The following COPZ2 variants were observed in gnomAD, a reference collection of about 807,000 sequenced individuals.
COPZ2 encodes coat protein complex I subunit zeta 2.
A neutral mutation model predicts 33.2 loss-of-function variants in COPZ2; 30 were observed. The ratio of observed to expected loss-of-function variants is 0.90; its 90% CI spans 0.68 to 1.23. The LOEUF (loss-of-function observed/expected upper bound fraction) is 1.23. Among genes scored for constraint, COPZ2 ranks in the 50% most tolerant of loss-of-function variants. COPZ2 has a pLI of 0.00. For missense variants in COPZ2, 263 were observed against 262.4 expected (o/e 1.00, Z -0.02); for synonymous variants, 89 against 102.6 (o/e 0.87, Z 0.80).
At chr17:48,040,058 G>T (rs927019038), upstream of COPZ2, among the ~76,000 whole-genome samples, 1 of 151,864 alleles carries the variant, frequency 6.6e-6, no homozygotes, top group African/African-American at 2.4e-5. Context: ...GGAGGTGGAG[G>T]TTGCAGTGAC....
chr17:48,035,908 C>G (rs1050935574), intron 2 of COPZ2, among the ~76,000 whole-genome samples: 6 of 151,922 alleles, frequency 3.9e-5, no homozygotes, highest in African/African-American at 9.7e-5. Flanking sequence ...CGCCCACCAC[C>G]ATGCCTGGCT....
chr17:48,034,698 A>C (rs2036951386), intron 2 of COPZ2, among the ~76,000 whole-genome samples: 1 of 152,074 alleles, frequency 6.6e-6, no homozygotes, highest in Non-Finnish European at 1.5e-5. Context: ...GAAGTCAGGT[A>C]ATGGCCTGGC....
intron 6 of COPZ2, among the ~76,000 whole-genome samples, chr17:48,030,206 G>C (rs181263485): frequency 7.0e-6 from 1 of 142,738 alleles, no homozygotes; most frequent in Non-Finnish European, 1.5e-5. Context: ...AGAATTGCTT[G>C]AACCCAGGAG....
rs754250993 is a variant in COPZ2, at chr17:48,037,239, G to T, written c.112-314C>A. On this transcript the variant is annotated intron_variant, in intron 1 of 8. Coordinates refer to ENST00000621465, the MANE Select transcript of COPZ2 (RefSeq NM_016429.4). This position sits in a 1 kb window ranked among gnomAD's most constrained non-coding sequence, Gnocchi z 5.6. ...GGAGTGTATCACAGAACCTGGGCCG[G>T]GGGGGACAGCGGGCCGAGCCTCCTT... 5 of 601,954 alleles carry T rather than the reference G, an allele frequency of 8.3e-6. No individual in the cohort carries two copies. Among genetic ancestry groups the T allele is most frequent in the East Asian group, 7.3e-5 (2 of 27,474 alleles). 37.3% of individuals were successfully genotyped at this position (601,954 alleles called of 1,614,324 possible). A position where few individuals can be genotyped will look rare whatever the true frequency, so the allele number is the denominator to read the frequency against.
At chr17:48,037,864 C>G (rs2037017833), upstream of COPZ2, 1 of 980,270 alleles carries the variant, frequency 1.0e-6, no homozygotes. This position sits in a 1 kb window ranked among gnomAD's most constrained non-coding sequence, Gnocchi z 5.6. Context: ...GGCCCCCTCT[C>G]GCGCGTGGCC....
upstream of COPZ2, among the ~76,000 whole-genome samples, chr17:48,041,401 G>A (rs988951822): frequency 6.6e-6 from 1 of 152,208 alleles, no homozygotes; most frequent in Non-Finnish European, 1.5e-5. Context: ...AAGAAAAATA[G>A]AGCAGAAATG....
intron 2 of COPZ2, among the ~76,000 whole-genome samples, chr17:48,034,767 G>C (rs960014477): frequency 6.6e-6 from 1 of 152,136 alleles, no homozygotes; most frequent in African/African-American, 2.4e-5. Context: ...TGGATCACCT[G>C]AGGTCAGGCG....
intron 6 of COPZ2, among the ~76,000 whole-genome samples, chr17:48,030,081 C>T (rs1254010954): frequency 1.3e-5 from 2 of 151,832 alleles, no homozygotes; most frequent in Non-Finnish European, 2.9e-5. Flanking sequence ...GTGAAGAGTT[C>T]GAGACCAGCC....
chr17:48,028,706 T>C lies in COPZ2; in HGVS notation c.547-196A>G, dbSNP rs2036849933. On this transcript the variant is annotated intron_variant, in intron 7 of 8. Transcript: ENST00000621465. This position sits in a 1 kb window ranked among gnomAD's most constrained non-coding sequence, Gnocchi z 4.5. ...AGCCAGGACCTCTGGGATTGTGCTATGGTGCGTGGAGGGTGAGGGAAGATG... is the reference window on the plus strand; with the variant it reads ...AGCCAGGACCTCTGGGATTGTGCTACGGTGCGTGGAGGGTGAGGGAAGATG... 5 of 602,746 alleles carry C rather than the reference T, an allele frequency of 8.3e-6. No homozygotes were observed. The East Asian group carries it at 1.4e-4, about 17-fold the overall frequency. The allele number at this position is 602,746 out of a possible 1,614,324, so 37.3% of individuals were successfully genotyped here.
At chr17:48,033,053 C>T (rs1427255461) in intron 4 of COPZ2, 158 bp downstream of exon 4, 4 of 613,204 alleles carry the variant, frequency 6.5e-6, no homozygotes, top group Non-Finnish European at 8.8e-6. Flanking sequence ...ACACATTGTC[C>T]CAGAAAGAAC....
At position 48,032,311 on chromosome 17, in the gene COPZ2, C is replaced by T; in HGVS notation, c.417-78G>A. On this transcript the variant is annotated intron_variant, in intron 5 of 8. Coordinates refer to ENST00000621465, the MANE Select transcript of COPZ2 (RefSeq NM_016429.4). ...CCCTGCCTAGGTGAGGCTGACCCCACTCTCCAAAGACTGCCTCATTCACCC... is the reference window on the plus strand; with the variant it reads ...CCCTGCCTAGGTGAGGCTGACCCCATTCTCCAAAGACTGCCTCATTCACCC... 5 of 1,247,530 alleles carry T rather than the reference C, an allele frequency of 4.0e-6. No individual in the cohort carries two copies. In the South Asian group the frequency reaches 5.1e-5, roughly 13 times the overall value. The allele number at this position is 1,247,530 out of a possible 1,614,324, so 77.3% of individuals were successfully genotyped here.
rs1193100863 is a variant in COPZ2, at chr17:48,028,110, G to T, written c.585+362C>A. 2.0e-5 allele frequency among the ~76,000 whole-genome samples: 3 copies of T among 152,174 alleles called. No homozygotes were observed. Among genetic ancestry groups the T allele is most frequent in the African/African-American group, 2.4e-5 (1 of 41,444 alleles). ...CTATTTGGTACCCTTTCCAGGTTTCGGTAGAGGGCGCATCAGAGGCCTGAG... is the reference window on the plus strand; with the variant it reads ...CTATTTGGTACCCTTTCCAGGTTTCTGTAGAGGGCGCATCAGAGGCCTGAG... On this transcript the variant is annotated intron_variant, in intron 8 of 8. Transcript: ENST00000621465. The surrounding 1 kb of genome is among the most constrained non-coding windows in gnomAD (Gnocchi z 4.5).
chr17:48,037,782 C>T lies in COPZ2; in HGVS notation c.-5G>A. 6.0e-6 allele frequency: 6 copies of T among 1,002,994 alleles called. No individual in the cohort carries two copies. The highest frequency in any genetic ancestry group is 1.8e-5 in the African/African-American group (1 of 57,032). The allele number at this position is 1,002,994 out of a possible 1,614,324, so 62.1% of individuals were successfully genotyped here. ...CCAGGCCTCGGGCCGCTGCATTCCG[C>T]TCGCCGCCTCGCACTGACAGCGCCG... On this transcript the variant is annotated 5_prime_UTR_variant, in exon 1 of 9. Coordinates refer to ENST00000621465, the MANE Select transcript of COPZ2 (RefSeq NM_016429.4). This position sits in a 1 kb window ranked among gnomAD's most constrained non-coding sequence, Gnocchi z 5.6.
intron 2 of COPZ2, among the ~76,000 whole-genome samples, chr17:48,034,665 G>C (rs374676642): frequency 6.6e-6 from 1 of 152,006 alleles, no homozygotes; most frequent in Non-Finnish European, 1.5e-5. Context: ...CCCATTACAC[G>C]GATGGGGAAA....
At chr17:48,045,570 T>C in the COPZ2 span, 1 of 152,326 alleles carries the variant, frequency 6.6e-6, no homozygotes, top group East Asian at 1.9e-4. Context: ...TGGCCCCAAA[T>C]CCGTGTGCTT....
At chr17:48,035,741 TC>T (rs2036972556) in intron 2 of COPZ2, among the ~76,000 whole-genome samples, 1 of 149,188 alleles carries the variant, frequency 6.7e-6, no homozygotes, top group East Asian at 2.0e-4. Flanking sequence ...ACATTTCTTT[TC>T]TTTTTCTTTT....
At chr17:48,032,627 T>C in intron 5 of COPZ2, 59 bp downstream of exon 5, 1 of 1,297,578 alleles carries the variant, frequency 7.7e-7, no homozygotes, top group East Asian at 2.5e-5. Context: ...GGAGGAAGGG[T>C]CCTGTGACAT....
At chr17:48,039,133 C>T (rs989122154), upstream of COPZ2, among the ~76,000 whole-genome samples, 8 of 152,154 alleles carry the variant, frequency 5.3e-5, no homozygotes, top group East Asian at 1.4e-3. Flanking sequence ...TGCAACCACT[C>T]CCAGGTAATT....
Position 48,037,294 on chromosome 17 carries a change from C to T in COPZ2, c.112-369G>A, listed in dbSNP as rs1245273593. 2 of 504,048 alleles carry T rather than the reference C, an allele frequency of 4.0e-6. No individual in the cohort carries two copies. The highest frequency in any genetic ancestry group is 2.7e-5 in the Admixed American group (1 of 36,944). 31.2% of individuals were successfully genotyped at this position (504,048 alleles called of 1,614,324 possible). ...CAGCTGATCCCTGGCCGGGCTGGAC[C>T]TGCGCTATCAGCGCGCCCCCAGGCC... On this transcript the variant is annotated intron_variant, in intron 1 of 8. Coordinates refer to ENST00000621465, the MANE Select transcript of COPZ2 (RefSeq NM_016429.4). The surrounding 1 kb of genome is among the most constrained non-coding windows in gnomAD (Gnocchi z 5.6).
Sources: gnomAD v4.1 joint callset for allele counts (sites outside exome capture counted in the v4.1 genomes callset) on GRCh38, gnomAD v4.1.1 for gene constraint, Gnocchi (gnomAD v3.1) non-coding constraint, MANE v1.5 for transcripts, NCBI Gene and HGNC (gene_info 2026-07-23, HGNC 2026-07-21) for gene names.